Variants in PLXND1 observed in about 807,000 individuals in gnomAD.
PLXND1 encodes the protein plexin-D1.
Under a neutral mutation model 197.7 loss-of-function variants are expected in PLXND1, and 54 were observed. The ratio of observed to expected loss-of-function variants is 0.27; its 90% CI spans 0.22 to 0.34. PLXND1 has a LOEUF of 0.34. Ranked by LOEUF, PLXND1 falls within the 10% of genes least tolerant of loss-of-function variation. The probability of loss-of-function intolerance (pLI) is 1.00; values close to 1 mark genes in which losing one functional copy is unlikely to be tolerated. For missense variants in PLXND1, 2,127 were observed against 2,699.2 expected (o/e 0.79, Z 4.70); for synonymous variants, 1,180 against 1,161.2 (o/e 1.02, Z -0.33).
chr3:129,571,356 C>A, intron 17 of PLXND1, 53 bp from the exon 18 acceptor site: 1 of 1,583,654 alleles, frequency 6.3e-7, no homozygotes. Context: ...GACAGATGGG[C>A]ATGGAGAAAC....
chr3:129,600,861 C>G (rs924869843), intron 1 of PLXND1, among the ~76,000 whole-genome samples: 1 of 152,126 alleles, frequency 6.6e-6, no homozygotes, highest in Non-Finnish European at 1.5e-5. Context: ...ACGACGTGCA[C>G]CCACCCACTG....
chr3:129,575,523 G>A lies in PLXND1; in HGVS notation c.2476C>T (p.Leu826Phe). 1 of 1,557,628 alleles carries A rather than the reference G, an allele frequency of 6.4e-7. No homozygotes were observed. Among genetic ancestry groups the A allele is most frequent in the Non-Finnish European group, 8.7e-7 (1 of 1,150,036 alleles). ...TRKSQVFPLS[L>F]QLKGRPARFL... ...CGGGCTGGCCGCCCCTTTAGTTGGA[G>A]GCTGAGCGGGAACACCTGGCTCTTC... Residue 826 changes from leucine (L) to phenylalanine (F), a missense_variant, in exon 11 of 36, where the codon CTC becomes TTC. Transcript: ENST00000324093.
At chr3:129,578,804 G>T (rs562662977) in intron 8 of PLXND1, among the ~76,000 whole-genome samples, 1 of 152,276 alleles carries the variant, frequency 6.6e-6, no homozygotes, top group East Asian at 1.9e-4. Flanking sequence ...TAGAACAGGG[G>T]GGCTGCACCC....
At chr3:129,600,480 G>A (rs947690190) in intron 1 of PLXND1, among the ~76,000 whole-genome samples, 1 of 152,134 alleles carries the variant, frequency 6.6e-6, no homozygotes, top group African/African-American at 2.4e-5. Context: ...TCCTAGGAGG[G>A]AGGCATAAGA....
At chr3:129,586,515 G>A (rs892730078) in intron 3 of PLXND1, 73 bp downstream of exon 3, 39 of 1,511,742 alleles carry the variant, frequency 2.6e-5, no homozygotes, top group East Asian at 1.5e-4. Flanking sequence ...GAGGAACAGC[G>A]TGTGTAAAGG....
In PLXND1 at chr3:129,592,375, A is replaced by T. The variant is rs374556711; in HGVS notation, c.1312-2848T>A. Among the ~76,000 whole-genome samples the T allele has an allele frequency of 5.9e-4, 90 of 152,390 alleles. 1 individual carries two copies. The highest frequency in any genetic ancestry group is 5.4e-3 in the South Asian group (26 of 4,828). On this transcript the variant is annotated intron_variant, in intron 1 of 35. Coordinates refer to ENST00000324093, the MANE Select transcript of PLXND1 (RefSeq NM_015103.3). ...TTTTCACTGAATATGAATTACTTGC[A>T]TCATTTAAAAATAAGTTGTTTAAAA... is the stretch of plus-strand genomic sequence containing the variant.
In PLXND1 at chr3:129,569,908, C is replaced by T. The variant is rs759179864; in HGVS notation, c.3800G>A (p.Gly1267Asp). ...NQTIATLQLG[G>D]SETAIIVSIV... is the part of the protein sequence containing the mutation. ...GGACACGATGATGGCCGTCTCGCTG[C>T]CCCCCAGCTGCAGTGTGGCGATGGT... is the stretch of plus-strand genomic sequence containing the variant. Residue 1267 changes from glycine (G) to aspartate (D), a missense_variant, in exon 20 of 36, where the codon GGC becomes GAC. Around this residue, in one of 6 missense-constraint regions of PLXND1, gnomAD observed 532 missense variants for 811.0 expected, o/e 0.66. Coordinates refer to ENST00000324093, the MANE Select transcript of PLXND1 (RefSeq NM_015103.3). 3.1e-6 allele frequency: 5 copies of T among 1,612,356 alleles called. No homozygotes were observed. Among genetic ancestry groups the T allele is most frequent in the South Asian group, 1.1e-5 (1 of 91,058 alleles).
chr3:129,562,751 G>T, intron 27 of PLXND1, 36 bp downstream of exon 27: 2 of 1,568,330 alleles, frequency 1.3e-6, no homozygotes, highest in Non-Finnish European at 1.7e-6. Flanking sequence ...CGGCTGAAGC[G>T]CCTGACACGG....
chr3:129,601,308 C>T (rs1177546737), intron 1 of PLXND1, among the ~76,000 whole-genome samples: 1 of 152,192 alleles, frequency 6.6e-6, no homozygotes, highest in Non-Finnish European at 1.5e-5. Flanking sequence ...CACACTTCAG[C>T]AGCTTCTCCC....
intron 22 of PLXND1, 69 bp downstream of exon 22, chr3:129,567,423 G>A (rs1578315950): frequency 1.0e-5 from 9 of 890,384 alleles, no homozygotes; most frequent in Non-Finnish European, 1.5e-5. Flanking sequence ...AGGCTGGCAG[G>A]GCTCAGAGAG....
chr3:129,589,307 G>GCCGGGGCCCCCCCCCCC, intron 2 of PLXND1, 44 bp downstream of exon 2: 1 of 684,692 alleles, frequency 1.5e-6, no homozygotes, highest in Non-Finnish European at 2.6e-6. Context: ...TCCCAGGGGA[G>GCCGGGGCCCCCCCCCCC]CCTCCCACCC....
rs1322524303 is a variant in PLXND1 at position 129,606,333 on chromosome 3, G to A, written c.307C>T (p.Leu103=). 2.7e-6 allele frequency: 4 copies of A among 1,489,536 alleles called. No individual in the cohort carries two copies. In the Admixed American group the frequency reaches 9.5e-5, roughly 35 times the overall value. The allele number at this position is 1,489,536 out of a possible 1,614,324, so 92.3% of individuals were successfully genotyped here. ...AAVGPVPDSP[L]CHAPQLPQAS... ...TGCGGCAGCTGCGGAGCGTGACACA[G>A]CGGGCTGTCGGGCACCGGGCCCACG... Residue 103 remains leucine (L), a synonymous_variant, in exon 1 of 36, where the codon CTG becomes TTG. Transcript: ENST00000324093.
rs1459147404 is a variant in PLXND1, at chr3:129,569,748, C to T, written c.3865+95G>A. 9.6e-6 allele frequency: 7 copies of T among 730,374 alleles called. No homozygotes were observed. In the East Asian group the frequency reaches 1.3e-4, roughly 14 times the overall value. 45.2% of individuals were successfully genotyped at this position (730,374 alleles called of 1,614,324 possible). ...AGCCTTTGTTCAAGCTGTGCCCCAT[C>T]CCATCCTGCCTTCTCCCATCTGCCA... On this transcript the variant is annotated intron_variant, in intron 20 of 35. Coordinates refer to ENST00000324093, the MANE Select transcript of PLXND1 (RefSeq NM_015103.3).
rs770931553 is a variant in PLXND1, at chr3:129,574,371, T to A, written c.2650A>T (p.Met884Leu). 1 of 1,610,230 alleles carries A rather than the reference T, an allele frequency of 6.2e-7. No homozygotes were observed. The highest frequency in any genetic ancestry group is 1.7e-4 in the Middle Eastern group (1 of 5,998). The change falls in exon 12 of 36, where the codon ATG becomes TTG. Residue 884 changes from methionine (M) to leucine (L), a missense_variant. Coordinates refer to ENST00000324093, the MANE Select transcript of PLXND1 (RefSeq NM_015103.3). Reference protein sequence around the residue: ...GCRLRGPLQPMAGTCPAPEIH... With the variant: ...GCRLRGPLQPLAGTCPAPEIH... ...TCGGGGGCGGGGCAGGTGCCAGCCATGGGCTGCAGAGGCCCCCGCAGGCGG... is the reference window on the plus strand; with the variant it reads ...TCGGGGGCGGGGCAGGTGCCAGCCAAGGGCTGCAGAGGCCCCCGCAGGCGG...
intron 25 of PLXND1, 43 bp downstream of exon 25, chr3:129,565,297 C>G: frequency 6.4e-7 from 1 of 1,562,812 alleles, no homozygotes; most frequent in East Asian, 2.2e-5. Context: ...GAGTCCCTGC[C>G]ACGTCCCCCG....
intron 8 of PLXND1, among the ~76,000 whole-genome samples, chr3:129,580,325 G>A (rs1464102571): frequency 2.0e-5 from 3 of 152,176 alleles, no homozygotes; most frequent in African/African-American, 2.4e-5. Flanking sequence ...CCGGGCCTCC[G>A]TGTTCCTACC....
chr3:129,575,545 C>T lies in PLXND1; in HGVS notation c.2454G>A (p.Lys818=). The change falls in exon 11 of 36, where the codon AAG becomes AAA. Residue 818 remains lysine (K), a synonymous_variant. Transcript: ENST00000324093. ...CDQVVLHTTR[K]SQVFPLSLQL... is the part of the protein sequence containing the mutation. ...GGAGGCTGAGCGGGAACACCTGGCT[C>T]TTCCGGGTCGTGTGCAGCTGCAAAA... The T allele has an allele frequency of 6.4e-7, 1 of 1,556,482 alleles. No individual in the cohort carries two copies. The highest frequency in any genetic ancestry group is 1.2e-5 in the South Asian group (1 of 84,382).
At chr3:129,595,921 G>GCGCACACACACACACACACACACACA in intron 1 of PLXND1, among the ~76,000 whole-genome samples, 1 of 146,410 alleles carries the variant, frequency 6.8e-6, no homozygotes, top group East Asian at 2.1e-4. Flanking sequence ...GTGCACGCAC[G>GCGCACACACACACACACACACACACA]CACACACACA....
At chr3:129,576,791 C>T (rs2085320257) in intron 9 of PLXND1, among the ~76,000 whole-genome samples, 2 of 152,160 alleles carry the variant, frequency 1.3e-5, no homozygotes, top group Non-Finnish European at 2.9e-5. Context: ...ACGGTAGGGG[C>T]CTAATATGTG....
Sources: gnomAD v4.1 joint callset for allele counts (sites outside exome capture counted in the v4.1 genomes callset) on GRCh38, gnomAD v4.1.1 for gene constraint, gnomAD v4.1.1 regional missense constraint, MANE v1.5 for transcripts, NCBI Gene and HGNC (gene_info 2026-07-23, HGNC 2026-07-21) for gene names.